Variants in AOPEP observed in about 807,000 individuals in gnomAD.
AOPEP encodes aminopeptidase O.
A neutral mutation model predicts 98.1 loss-of-function variants in AOPEP; 77 were observed. The ratio of observed to expected loss-of-function variants is 0.78; its 90% CI spans 0.65 to 0.95. AOPEP has a LOEUF of 0.95. AOPEP is among the 40% of genes least tolerant of loss of function. AOPEP has a pLI of 0.00. For missense variants in AOPEP, 1,024 were observed against 1,024.7 expected, an observed-to-expected ratio of 1.00 and a Z score of 0.01; for synonymous variants, 346 against 365.3, an observed-to-expected ratio of 0.95 and a Z score of 0.60.
In AOPEP at chr9:94,792,778, G is replaced by A. The variant is rs770518043; in HGVS notation, c.978G>A (p.Trp326Ter). 4.3e-6 allele frequency: 7 copies of A among 1,610,284 alleles called. No homozygotes were observed. The highest frequency in any genetic ancestry group is 1.7e-5 in the Admixed American group (1 of 59,530). ...PTQLWEECSS[W>*]YYYVTMPMPA... Reference sequence around the variant, plus strand: ...TCCTGTTTACAGAGTGCTCAAGCTGGTATTACTATGTAACTATGCCAATGC... The same window carrying A: ...TCCTGTTTACAGAGTGCTCAAGCTGATATTACTATGTAACTATGCCAATGC... Residue 326 changes from tryptophan to a stop codon, truncating the protein, a stop_gained, in exon 4 of 17, where the codon TGG (tryptophan) becomes TGA (stop). Transcript: ENST00000375315. LOFTEE classifies it high-confidence loss of function.
At chr9:94,947,239 C>T (rs919914098) in intron 7 of AOPEP, among the ~76,000 whole-genome samples, 4 of 151,804 alleles carry the variant, frequency 2.6e-5, no homozygotes, top group Non-Finnish European at 4.4e-5. Context: ...CCTCGGCCTC[C>T]CAAAGTGCTG....
chr9:94,878,621 C>T (rs928652587), intron 5 of AOPEP, among the ~76,000 whole-genome samples: 5 of 152,116 alleles, frequency 3.3e-5, no homozygotes, highest in Non-Finnish European at 7.4e-5. Context: ...TTAGGTTCTA[C>T]TATTAGGGGC....
intron 7 of AOPEP, among the ~76,000 whole-genome samples, chr9:94,949,231 G>A (rs1212974683): frequency 6.6e-6 from 1 of 152,158 alleles, no homozygotes; most frequent in Non-Finnish European, 1.5e-5. Context: ...AAGACCTGAG[G>A]ACATTTTGGT....
chr9:95,008,542 A>G (rs543381575), intron 13 of AOPEP, among the ~76,000 whole-genome samples: 16 of 152,354 alleles, frequency 1.1e-4, no homozygotes, highest in Admixed American at 9.8e-4. Context: ...AACCTGAAAT[A>G]CTAGTTGAGT....
chr9:94,848,794 T>A (rs973397089), intron 5 of AOPEP, among the ~76,000 whole-genome samples: 4 of 152,236 alleles, frequency 2.6e-5, no homozygotes, highest in South Asian at 2.1e-4. Context: ...CATTTTATTT[T>A]GTTTTATTTT....
intron 5 of AOPEP, among the ~76,000 whole-genome samples, chr9:94,897,136 G>A (rs2049693618): frequency 6.6e-6 from 1 of 152,030 alleles, no homozygotes. Context: ...AAAAAATTTT[G>A]AAGAGTAATG....
rs866839031 is a variant in AOPEP, at chr9:95,053,277, C to T, written c.2116-7417C>T. On this transcript the variant is annotated intron_variant, in intron 13 of 16. Transcript: ENST00000375315. ...AGTTCAGGTAGGTTACTCGGAGAAA[C>T]AGTTGACACAAAGCATTCCTTATTT... is the stretch of plus-strand genomic sequence containing the variant. Among the ~76,000 whole-genome samples the T allele has an allele frequency of 3.3e-5, 5 of 152,330 alleles. No homozygotes were observed. The South Asian group carries it at 8.3e-4, about 25-fold the overall frequency.
At chr9:95,140,331 GA>G in the AOPEP span, among the ~76,000 whole-genome samples, 1 of 152,106 alleles carries the variant, frequency 6.6e-6, no homozygotes, top group Non-Finnish European at 1.5e-5. Flanking sequence ...TTGAGATTTA[GA>G]AAACTCTACT....
At chr9:95,112,860 C>G in the AOPEP span, among the ~76,000 whole-genome samples, 2 of 152,250 alleles carry the variant, frequency 1.3e-5, no homozygotes, top group Admixed American at 6.5e-5. Context: ...AAGTCCTGTT[C>G]TGCAGCACCA....
the AOPEP span, among the ~76,000 whole-genome samples, chr9:95,102,768 T>G: frequency 1.3e-5 from 2 of 152,202 alleles, no homozygotes; most frequent in African/African-American, 4.8e-5. Context: ...TGACCACCAC[T>G]AAAGGGAGCC....
intron 13 of AOPEP, among the ~76,000 whole-genome samples, chr9:95,026,233 A>G (rs2063827890): frequency 1.3e-5 from 2 of 152,214 alleles, no homozygotes; most frequent in African/African-American, 4.8e-5. Context: ...TACGTGCCAT[A>G]AACAATTCAC....
At chr9:94,961,167 C>T (rs7865239) in intron 9 of AOPEP, among the ~76,000 whole-genome samples, 58,558 of 151,960 alleles carry the variant, frequency 0.39, 11,554 homozygotes, top group Non-Finnish European at 0.43. Context: ...GTGGAAACTT[C>T]TGCAGTCATC....
At chr9:94,858,474 C>T (rs756889914) in intron 5 of AOPEP, among the ~76,000 whole-genome samples, 8 of 152,170 alleles carry the variant, frequency 5.3e-5, no homozygotes, top group Non-Finnish European at 8.8e-5. Flanking sequence ...GGCAGCAGGG[C>T]CACACTCCCT....
intron 6 of AOPEP, among the ~76,000 whole-genome samples, chr9:94,925,942 T>G (rs766692554): frequency 5.3e-5 from 8 of 152,240 alleles, no homozygotes; most frequent in Non-Finnish European, 8.8e-5. Flanking sequence ...ACGTGGAGAA[T>G]GTACAAGAAA....
At chr9:94,897,239 G>A (rs2049707615) in intron 5 of AOPEP, among the ~76,000 whole-genome samples, 1 of 152,012 alleles carries the variant, frequency 6.6e-6, no homozygotes, top group Admixed American at 6.6e-5. Flanking sequence ...TTAAGCCCTT[G>A]AAATGTAAAA....
At chr9:95,046,600 C>T (rs1018554547) in intron 13 of AOPEP, among the ~76,000 whole-genome samples, 2 of 152,122 alleles carry the variant, frequency 1.3e-5, no homozygotes, top group Non-Finnish European at 2.9e-5. Flanking sequence ...GTGCTGTACA[C>T]GAAGAGATCG....
chr9:94,879,990 T>G (rs2047380183), intron 5 of AOPEP, among the ~76,000 whole-genome samples: 1 of 152,226 alleles, frequency 6.6e-6, no homozygotes, highest in Admixed American at 6.5e-5. Flanking sequence ...TGAATTTACA[T>G]TTTTTTAGAT....
At chr9:95,101,872 A>AG in the AOPEP span, 1 of 1,613,604 alleles carries the variant, frequency 6.2e-7, no homozygotes, top group Non-Finnish European at 8.5e-7. Flanking sequence ...ACAGAAGAGA[A>AG]GGCAAATTAA....
chr9:94,816,133 T>A (rs1851653273), intron 5 of AOPEP, among the ~76,000 whole-genome samples: 2 of 152,292 alleles, frequency 1.3e-5, no homozygotes, highest in Middle Eastern at 3.4e-3. Flanking sequence ...TAGTGTACAT[T>A]TTTTATTCTC....
Sources: allele counts gnomAD v4.1 joint callset (sites outside exome capture counted in the v4.1 genomes callset), GRCh38; gene constraint gnomAD v4.1.1; transcripts MANE v1.5; gene names NCBI Gene and HGNC (gene_info 2026-07-23, HGNC 2026-07-21).